IL1RAPL2: variants seen among roughly 807,000 people sequenced by gnomAD.
The protein encoded by IL1RAPL2 is interleukin 1 receptor accessory protein like 2.
IL1RAPL2 carries 3 observed loss-of-function variants against 44.1 expected under a neutral mutation model. That is an observed-to-expected ratio of 0.07 (90% confidence interval 0.03 to 0.18). IL1RAPL2 has a LOEUF of 0.18. Ranked by LOEUF, IL1RAPL2 falls within the 10% of genes least tolerant of loss-of-function variation. The pLI is 1.00. For missense variants in IL1RAPL2, 391 were observed against 496.4 expected, an observed-to-expected ratio of 0.79 and a Z score of 2.02; for synonymous variants, 181 against 178.8, an observed-to-expected ratio of 1.01 and a Z score of -0.10.
chrX:105,231,610 T>G (rs73517410), intron 3 of IL1RAPL2, among the ~76,000 whole-genome samples: 8,857 of 112,210 alleles, frequency 0.079, 894 homozygotes, highest in African/African-American at 0.27. Context: ...GATGGTGTAA[T>G]TAACAAGAGC....
intron 2 of IL1RAPL2, among the ~76,000 whole-genome samples, chrX:104,702,535 G>A (rs1250776973): frequency 1.8e-5 from 2 of 112,218 alleles, no homozygotes; most frequent in Non-Finnish European, 3.8e-5. Flanking sequence ...ACTGATTAAG[G>A]CTGTCCAACA....
intron 6 of IL1RAPL2, among the ~76,000 whole-genome samples, chrX:105,522,726 C>T (rs778051493): frequency 1.3e-4 from 14 of 111,856 alleles, no homozygotes; most frequent in South Asian, 7.5e-4. Context: ...TAAAAGTTTA[C>T]GTATTTTATT....
At chrX:104,928,529 G>A (rs192872903) in intron 2 of IL1RAPL2, among the ~76,000 whole-genome samples, 18 of 111,323 alleles carry the variant, frequency 1.6e-4, no homozygotes, top group Admixed American at 1.3e-3. Context: ...CCGCACTTAC[G>A]GAAATTAGCC....
intron 5 of IL1RAPL2, among the ~76,000 whole-genome samples, chrX:105,326,311 A>G (rs1359660901): frequency 2.8e-5 from 3 of 107,884 alleles, no homozygotes; most frequent in Non-Finnish European, 5.8e-5. Flanking sequence ...CCTGCCTCTG[A>G]CTCCCAAAAT....
At chrX:104,918,668 T>C (rs978630462) in intron 2 of IL1RAPL2, among the ~76,000 whole-genome samples, 36 of 111,697 alleles carry the variant, frequency 3.2e-4, no homozygotes, top group Non-Finnish European at 6.0e-4. Flanking sequence ...ACCTCAGGGA[T>C]CATAAGATTG....
At chrX:105,758,734 T>G (rs1179134424) in intron 10 of IL1RAPL2, among the ~76,000 whole-genome samples, 1 of 112,170 alleles carries the variant, frequency 8.9e-6, no homozygotes. Context: ...TACTTTCCAG[T>G]AAAAGTTTGG....
intron 2 of IL1RAPL2, among the ~76,000 whole-genome samples, chrX:104,836,465 C>A (rs1921744006): frequency 9.1e-6 from 1 of 109,905 alleles, no homozygotes; most frequent in South Asian, 3.9e-4. Flanking sequence ...GATGGACACC[C>A]CATTTACCCT....
chrX:104,971,902 T>C (rs2147721645), intron 2 of IL1RAPL2, among the ~76,000 whole-genome samples: 1 of 111,558 alleles, frequency 9.0e-6, no homozygotes, highest in East Asian at 2.8e-4. Context: ...ATTTTTGATG[T>C]ACAAGAGAAA....
intron 2 of IL1RAPL2, among the ~76,000 whole-genome samples, chrX:104,953,742 T>C (rs867807102): frequency 1.1e-4 from 12 of 111,799 alleles, no homozygotes; most frequent in Middle Eastern, 4.6e-3. Context: ...ATAATACATG[T>C]TCTAATATGT....
At chrX:105,497,676 C>T (rs2036365567) in intron 6 of IL1RAPL2, among the ~76,000 whole-genome samples, 1 of 111,575 alleles carries the variant, frequency 9.0e-6, no homozygotes, top group Non-Finnish European at 1.9e-5. Context: ...AAGTCTTCAA[C>T]AAAATACTAG....
intron 2 of IL1RAPL2, among the ~76,000 whole-genome samples, chrX:105,073,494 G>A (rs999326092): frequency 1.9e-4 from 21 of 110,225 alleles, no homozygotes; most frequent in South Asian, 1.2e-3. Flanking sequence ...GAACAGTGCC[G>A]CAATAAACAT....
intron 6 of IL1RAPL2, among the ~76,000 whole-genome samples, chrX:105,596,898 A>T (rs1214618060): frequency 8.9e-6 from 1 of 112,042 alleles, no homozygotes; most frequent in Non-Finnish European, 1.9e-5. Flanking sequence ...GCCCTTTGAC[A>T]TTGATCTTGG....
chrX:104,917,609 G>C (rs971164501), intron 2 of IL1RAPL2, among the ~76,000 whole-genome samples: 4 of 111,797 alleles, frequency 3.6e-5, no homozygotes, highest in African/African-American at 9.7e-5. Context: ...AACAACCTCT[G>C]CCCTAATTCC....
chrX:105,757,561 A>C (rs1218388704), intron 10 of IL1RAPL2, among the ~76,000 whole-genome samples: 1 of 111,749 alleles, frequency 8.9e-6, no homozygotes, highest in Non-Finnish European at 1.9e-5. Context: ...GGATGGGCAG[A>C]GATTTTATAG....
chrX:105,438,160 C>T (rs2035894636), intron 5 of IL1RAPL2, among the ~76,000 whole-genome samples: 2 of 111,897 alleles, frequency 1.8e-5, no homozygotes, highest in African/African-American at 6.5e-5. Context: ...CTCTGAACAA[C>T]TTCCACCTCT....
chrX:104,947,559 T>G (rs764867615), intron 2 of IL1RAPL2, among the ~76,000 whole-genome samples: 17 of 104,174 alleles, frequency 1.6e-4, no homozygotes, highest in African/African-American at 5.6e-4. Flanking sequence ...GGTCTAACAT[T>G]TAAGTCTTTA....
intron 5 of IL1RAPL2, among the ~76,000 whole-genome samples, chrX:105,283,825 G>T (rs768350741): frequency 2.7e-5 from 3 of 111,050 alleles, no homozygotes; most frequent in Non-Finnish European, 3.8e-5. Context: ...GTACTAAATT[G>T]TGTGGGGCAA....
intron 2 of IL1RAPL2, among the ~76,000 whole-genome samples, chrX:104,966,596 T>A (rs192362960): frequency 8.9e-6 from 1 of 111,831 alleles, no homozygotes; most frequent in African/African-American, 3.2e-5. Flanking sequence ...ATACATGAAG[T>A]AAAAACTGAC....
At chrX:104,969,738 A>T (rs1245612782) in intron 2 of IL1RAPL2, among the ~76,000 whole-genome samples, 2 of 111,588 alleles carry the variant, frequency 1.8e-5, no homozygotes, top group African/African-American at 6.5e-5. Context: ...GAGAGGAAAC[A>T]TGAATGGCCA....
Sources: allele counts gnomAD v4.1 joint callset (sites outside exome capture counted in the v4.1 genomes callset), GRCh38; gene constraint gnomAD v4.1.1; transcripts MANE v1.5; gene names NCBI Gene and HGNC (gene_info 2026-07-23, HGNC 2026-07-21).